Variants in SLC35F2 observed in about 807,000 individuals in gnomAD.
The protein encoded by SLC35F2 is solute carrier family 35 member F2, also known as queuine/queuosine transporter SLC35F2.
A neutral mutation model predicts 38.1 loss-of-function variants in SLC35F2; 25 were observed. That is an observed-to-expected ratio of 0.66 (90% CI 0.48 to 0.92). The LOEUF (loss-of-function observed/expected upper bound fraction) is 0.92, where lower values mean the gene tolerates loss of function less well. Ranked by LOEUF, SLC35F2 falls within the 40% of genes least tolerant of loss-of-function variation. The pLI, the probability that SLC35F2 is intolerant of heterozygous loss-of-function variation, is 0.00. For synonymous variants in SLC35F2, 173 were observed against 181.7 expected, an observed-to-expected ratio of 0.95 and a Z score of 0.38; for missense variants, 409 against 452.9, an observed-to-expected ratio of 0.90 and a Z score of 0.88.
rs114428291 is a variant in SLC35F2 at position 107,823,198 on chromosome 11, G to C, written c.111-7233C>G. Reference sequence around the variant, plus strand: ...GATTCCAAGTATCAGCCTATTTTAAGTCTCCCAGATGAGTCTAAGACATGA... The same window carrying C: ...GATTCCAAGTATCAGCCTATTTTAACTCTCCCAGATGAGTCTAAGACATGA... On this transcript the variant is annotated intron_variant, in intron 1 of 7. Coordinates refer to ENST00000525815, the MANE Select transcript of SLC35F2 (RefSeq NM_017515.5). 1,487 of 985,288 alleles carry C rather than the reference G, an allele frequency of 1.5e-3. 24 individuals carry two copies. In the African/African-American group the frequency reaches 0.025, roughly 16 times the overall value. The allele number at this position is 985,288 out of a possible 1,614,324, so 61.0% of individuals were successfully genotyped here.
intron 1 of SLC35F2, among the ~76,000 whole-genome samples, chr11:107,850,898 A>G (rs2134861311): frequency 6.6e-6 from 1 of 152,124 alleles, no homozygotes; most frequent in South Asian, 2.1e-4. Context: ...CTGTAATCCC[A>G]GCACTTTGGG....
chr11:107,821,561 G>A, intron 1 of SLC35F2: 2 of 985,374 alleles, frequency 2.0e-6, no homozygotes, highest in Non-Finnish European at 2.4e-6. Context: ...GTTACTTATA[G>A]CTCCACTTTC....
intron 3 of SLC35F2, among the ~76,000 whole-genome samples, chr11:107,807,789 G>T (rs1859421954): frequency 6.6e-6 from 1 of 152,016 alleles, no homozygotes; most frequent in African/African-American, 2.4e-5. Context: ...TGGCAAGGCT[G>T]GTCTCGAACT....
At chr11:107,858,617 C>T (rs1860336704) in intron 1 of SLC35F2, 41 bp downstream of exon 1, 1 of 1,256,654 alleles carries the variant, frequency 8.0e-7, no homozygotes, top group Non-Finnish European at 1.0e-6. Context: ...CGCAGCCGCC[C>T]CCACGCCCCA....
chr11:107,807,271 CAAAAAAAAA>C (rs201964530), intron 3 of SLC35F2, among the ~76,000 whole-genome samples: 1 of 70,900 alleles, frequency 1.4e-5, no homozygotes, highest in East Asian at 4.1e-4. Flanking sequence ...CCTGTCTGTA[CAAAAAAAAA>C]AAAAAACAAC....
intron 1 of SLC35F2, among the ~76,000 whole-genome samples, chr11:107,832,030 T>C (rs1181410997): frequency 6.6e-6 from 1 of 151,678 alleles, no homozygotes; most frequent in African/African-American, 2.4e-5. Flanking sequence ...ATTTCTGAAA[T>C]TGGCAAAATA....
chr11:107,848,054 G>A (rs1055441324), intron 1 of SLC35F2, among the ~76,000 whole-genome samples: 1 of 152,130 alleles, frequency 6.6e-6, no homozygotes, highest in African/African-American at 2.4e-5. Flanking sequence ...GCTGGGGAGG[G>A]GGAGTGCAGA....
At chr11:107,825,027 T>C (rs1423655013) in intron 1 of SLC35F2, among the ~76,000 whole-genome samples, 1 of 151,792 alleles carries the variant, frequency 6.6e-6, no homozygotes. Context: ...TAGCCATATA[T>C]GGAGAATGGC....
At chr11:107,850,808 C>T (rs1355874301) in intron 1 of SLC35F2, among the ~76,000 whole-genome samples, 11 of 149,100 alleles carry the variant, frequency 7.4e-5, no homozygotes, top group East Asian at 2.0e-4. Flanking sequence ...AATGAGACTC[C>T]GTCTCCAAAA....
intron 1 of SLC35F2, among the ~76,000 whole-genome samples, chr11:107,852,874 CAAA>C (rs11385907): frequency 1.2e-4 from 15 of 120,936 alleles, no homozygotes; most frequent in Non-Finnish European, 1.2e-4. Flanking sequence ...GACTCCATCT[CAAA>C]AAAAAAAAAA....
intron 1 of SLC35F2, among the ~76,000 whole-genome samples, chr11:107,841,693 C>A (rs563492892): frequency 1.7e-4 from 26 of 151,962 alleles, no homozygotes; most frequent in Non-Finnish European, 3.1e-4. Context: ...AAAGCCTGGC[C>A]GGGCGCAGTG....
At chr11:107,803,849 G>A (rs763911478) in intron 6 of SLC35F2, among the ~76,000 whole-genome samples, 12 of 150,162 alleles carry the variant, frequency 8.0e-5, no homozygotes, top group Admixed American at 2.0e-4. Flanking sequence ...TTTTTGAGAC[G>A]GAGTCTCGCA....
intron 1 of SLC35F2, among the ~76,000 whole-genome samples, chr11:107,857,754 C>A (rs888005827): frequency 6.6e-6 from 1 of 152,146 alleles, no homozygotes; most frequent in African/African-American, 2.4e-5. Context: ...GTTTAGACTA[C>A]GGCTTGAACG....
chr11:107,815,987 C>T (rs1320480997), intron 1 of SLC35F2, 22 bp from the exon 2 acceptor site: 7 of 1,592,690 alleles, frequency 4.4e-6, no homozygotes, highest in African/African-American at 1.4e-5. Flanking sequence ...GGGAAGAAAT[C>T]AGAACAGCAT....
At chr11:107,854,997 T>C (rs141678586) in intron 1 of SLC35F2, among the ~76,000 whole-genome samples, 191 of 152,214 alleles carry the variant, frequency 1.3e-3, no homozygotes, top group Non-Finnish European at 2.2e-3. Flanking sequence ...GGGACATGAG[T>C]TTTGACAACA....
chr11:107,856,124 G>A (rs12418555), intron 1 of SLC35F2, among the ~76,000 whole-genome samples: 52,428 of 129,836 alleles, frequency 0.4, 10,823 homozygotes, highest in Admixed American at 0.46. Flanking sequence ...AAAAAAAAAA[G>A]AAGAAGAAGA....
chr11:107,797,589 A>AT (rs1319698684), intron 7 of SLC35F2, among the ~76,000 whole-genome samples: 3 of 152,250 alleles, frequency 2.0e-5, no homozygotes, highest in South Asian at 2.1e-4. Flanking sequence ...AAACTAAGTA[A>AT]TTTTTTGAAA....
chr11:107,802,242 A>AAAAAAAAAAAAAAAAAAATAAAT (rs559048077), intron 7 of SLC35F2, among the ~76,000 whole-genome samples: 4 of 147,888 alleles, frequency 2.7e-5, no homozygotes, highest in African/African-American at 7.7e-5. Context: ...CATCTCAAAA[A>AAAAAAAAAAAAAAAAAAATAAAT]AAATAAATAA....
chr11:107,848,330 T>C (rs941057338), intron 1 of SLC35F2, among the ~76,000 whole-genome samples: 1 of 152,174 alleles, frequency 6.6e-6, no homozygotes, highest in Admixed American at 6.5e-5. Context: ...CTCTAACCAA[T>C]AAACAGTGGC....
Sources: gnomAD v4.1 joint callset for allele counts (sites outside exome capture counted in the v4.1 genomes callset) on GRCh38, gnomAD v4.1.1 for gene constraint, MANE v1.5 for transcripts, NCBI Gene and HGNC (gene_info 2026-07-23, HGNC 2026-07-21) for gene names.